The following AGBL4 variants were observed in gnomAD, a reference collection of about 807,000 sequenced individuals.
The protein encoded by AGBL4 is AGBL carboxypeptidase 4.
Under a neutral mutation model 66.4 loss-of-function variants are expected in AGBL4, and 58 were observed. That is an observed-to-expected ratio of 0.87 (90% CI 0.71 to 1.09). The LOEUF (loss-of-function observed/expected upper bound fraction) is 1.09. Ranked by LOEUF, AGBL4 falls within the 50% of genes least tolerant of loss-of-function variation. The probability of loss-of-function intolerance (pLI) is 0.00; values close to 1 mark genes in which losing one functional copy is unlikely to be tolerated. For synonymous variants in AGBL4, 234 were observed against 222.9 expected, an observed-to-expected ratio of 1.05 and a Z score of -0.44; for missense variants, 579 against 631.0, an observed-to-expected ratio of 0.92 and a Z score of 0.88.
At chr1:49,433,580 T>C (rs1373686106) in intron 3 of AGBL4, among the ~76,000 whole-genome samples, 14 of 152,198 alleles carry the variant, frequency 9.2e-5, no homozygotes, top group Non-Finnish European at 1.0e-4. Flanking sequence ...TACCCATTTT[T>C]CCACAAATAT....
rs759153893 is a variant in AGBL4, at chr1:49,835,597, A to C, written c.157+15799T>G. Among the ~76,000 whole-genome samples the C allele has an allele frequency of 6.2e-4, 94 of 152,276 alleles. 1 individual carries two copies. The highest frequency in any genetic ancestry group is 8.8e-5 in the Non-Finnish European group (6 of 68,022). On this transcript the variant is annotated intron_variant, in intron 2 of 13. Transcript: ENST00000371839. ...TTTAAGGCTAACATTGCTATGTGTG[A>C]GGTTGATCCTGTCATTATGATGCTA...
chr1:49,073,370 C>A (rs1644648378), intron 4 of AGBL4, among the ~76,000 whole-genome samples: 1 of 152,144 alleles, frequency 6.6e-6, no homozygotes, highest in African/African-American at 2.4e-5. Flanking sequence ...TGGTTTCTCC[C>A]CATCTTTGTG....
chr1:48,917,238 A>T (rs1026173860), intron 5 of AGBL4, among the ~76,000 whole-genome samples: 23 of 151,992 alleles, frequency 1.5e-4, no homozygotes, highest in Admixed American at 7.2e-4. Context: ...TTTATTTAAA[A>T]TTATTATTTA....
At chr1:49,546,528 C>T (rs1029693190) in intron 3 of AGBL4, among the ~76,000 whole-genome samples, 4 of 152,050 alleles carry the variant, frequency 2.6e-5, no homozygotes, top group Non-Finnish European at 5.9e-5. Flanking sequence ...GGTAGATACC[C>T]AGTAGTGCAA....
intron 1 of AGBL4, among the ~76,000 whole-genome samples, chr1:49,950,077 C>T (rs1292520790): frequency 1.5e-5 from 2 of 137,154 alleles, no homozygotes; most frequent in South Asian, 2.3e-4. Context: ...TATATATACA[C>T]ATATGTGTAT....
chr1:48,891,204 G>A (rs1650928463), intron 5 of AGBL4, among the ~76,000 whole-genome samples: 1 of 152,100 alleles, frequency 6.6e-6, no homozygotes, highest in Non-Finnish European at 1.5e-5. Flanking sequence ...TATTAATTAA[G>A]TCACTAAATG....
chr1:49,748,474 T>C (rs1651176880), intron 2 of AGBL4, among the ~76,000 whole-genome samples: 1 of 152,230 alleles, frequency 6.6e-6, no homozygotes, highest in South Asian at 2.1e-4. Flanking sequence ...TAAACATGCA[T>C]GTGCATGTGG....
intron 4 of AGBL4, among the ~76,000 whole-genome samples, chr1:49,060,441 A>G (rs1026759898): frequency 4.6e-5 from 7 of 152,206 alleles, no homozygotes; most frequent in Non-Finnish European, 1.0e-4. Flanking sequence ...GCAATGTGAG[A>G]ACATACTAAT....
At chr1:49,346,745 A>C (rs951975773) in intron 3 of AGBL4, among the ~76,000 whole-genome samples, 1 of 152,206 alleles carries the variant, frequency 6.6e-6, no homozygotes, top group Non-Finnish European at 1.5e-5. Flanking sequence ...CTTACAGAAG[A>C]TAGATCTTCA....
chr1:48,733,796 G>A (rs1473424753), intron 6 of AGBL4, among the ~76,000 whole-genome samples: 1 of 152,200 alleles, frequency 6.6e-6, no homozygotes, highest in African/African-American at 2.4e-5. Context: ...CAGGCGATCA[G>A]CTTGTGGGTC....
intron 2 of AGBL4, among the ~76,000 whole-genome samples, chr1:49,827,506 C>A (rs2148006250): frequency 6.6e-6 from 1 of 152,220 alleles, no homozygotes; most frequent in South Asian, 2.1e-4. Context: ...GATACAGACA[C>A]AATCGGATAG....
chr1:49,719,130 A>G (rs560073942), intron 2 of AGBL4, among the ~76,000 whole-genome samples: 1 of 152,290 alleles, frequency 6.6e-6, no homozygotes, highest in South Asian at 2.1e-4. Context: ...AAGTAATCAT[A>G]CAAGTGGCTA....
intron 1 of AGBL4, among the ~76,000 whole-genome samples, chr1:49,963,132 G>A (rs1413899211): frequency 6.6e-6 from 1 of 152,072 alleles, no homozygotes; most frequent in Non-Finnish European, 1.5e-5. Context: ...ATGTAAGTAT[G>A]GGTCAGACTA....
intron 1 of AGBL4, among the ~76,000 whole-genome samples, chr1:49,972,866 G>A (rs1658251629): frequency 6.6e-6 from 1 of 152,074 alleles, no homozygotes; most frequent in Admixed American, 6.6e-5. Context: ...ACAGATAAAG[G>A]GGGACTACTG....
chr1:48,809,216 A>C (rs1645996236), intron 6 of AGBL4, among the ~76,000 whole-genome samples: 1 of 152,152 alleles, frequency 6.6e-6, no homozygotes, highest in Non-Finnish European at 1.5e-5. Context: ...CCAGGGAGAG[A>C]GGAGTTGCAG....
chr1:49,904,953 C>A (rs970967618), intron 1 of AGBL4, among the ~76,000 whole-genome samples: 7 of 151,984 alleles, frequency 4.6e-5, no homozygotes, highest in African/African-American at 1.7e-4. Flanking sequence ...GAGAACAATG[C>A]CTATAAAAAA....
At chr1:49,715,738 T>A (rs1010299910) in intron 2 of AGBL4, among the ~76,000 whole-genome samples, 1 of 152,202 alleles carries the variant, frequency 6.6e-6, no homozygotes, top group Non-Finnish European at 1.5e-5. Context: ...CATATATTTG[T>A]TAGCCACACA....
intron 1 of AGBL4, among the ~76,000 whole-genome samples, chr1:50,012,493 T>C (rs1021995135): frequency 1.2e-4 from 15 of 128,704 alleles, no homozygotes; most frequent in African/African-American, 3.9e-4. Flanking sequence ...TATCCAGTTT[T>C]TTTAATTTTT....
intron 11 of AGBL4, among the ~76,000 whole-genome samples, chr1:48,581,645 C>A (rs137982605): frequency 6.6e-6 from 1 of 152,254 alleles, no homozygotes; most frequent in South Asian, 2.1e-4. Context: ...GTTCAAAATT[C>A]GTAGGAATTT....
Sources: allele counts gnomAD v4.1 joint callset (sites outside exome capture counted in the v4.1 genomes callset), GRCh38; gene constraint gnomAD v4.1.1; transcripts MANE v1.5; gene names NCBI Gene and HGNC (gene_info 2026-07-23, HGNC 2026-07-21).